PDE4B: variants seen among roughly 807,000 people sequenced by gnomAD.
PDE4B encodes 3',5'-cyclic-AMP phosphodiesterase 4B.
A neutral mutation model predicts 82.2 loss-of-function variants in PDE4B; 20 were observed. That is an observed-to-expected ratio of 0.24 (90% CI 0.17 to 0.35). The LOEUF (loss-of-function observed/expected upper bound fraction) is 0.35. PDE4B is among the 10% of genes least tolerant of loss of function. PDE4B has a pLI of 1.00. For synonymous variants in PDE4B, 320 were observed against 318.9 expected (o/e 1.00, Z -0.04); for missense variants, 655 against 907.2 (o/e 0.72, Z 3.57).
chr1:65,902,951 T>C (rs1020150315), intron 1 of PDE4B, among the ~76,000 whole-genome samples: 3 of 152,218 alleles, frequency 2.0e-5, no homozygotes, highest in Admixed American at 1.3e-4. Context: ...AGCCAAGTTA[T>C]GCAACCAACT....
At chr1:66,334,497 C>T (rs998241628) in intron 8 of PDE4B, among the ~76,000 whole-genome samples, 44 of 152,268 alleles carry the variant, frequency 2.9e-4, no homozygotes, top group Non-Finnish European at 2.9e-4. Flanking sequence ...CTCAGGCTTC[C>T]GCTCCTCCTT....
At chr1:66,298,966 A>G (rs989562393) in intron 7 of PDE4B, among the ~76,000 whole-genome samples, 1 of 152,126 alleles carries the variant, frequency 6.6e-6, no homozygotes, top group Non-Finnish European at 1.5e-5. Context: ...ATAGTTGTAT[A>G]TATTTGTGGG....
intron 1 of PDE4B, among the ~76,000 whole-genome samples, chr1:65,845,834 C>T (rs925644029): frequency 6.6e-6 from 1 of 152,104 alleles, no homozygotes; most frequent in East Asian, 1.9e-4. Flanking sequence ...CTCCTTTCTC[C>T]GGATGGGTGT....
At chr1:66,120,056 AT>A (rs1241965099) in intron 3 of PDE4B, among the ~76,000 whole-genome samples, 1 of 152,148 alleles carries the variant, frequency 6.6e-6, no homozygotes, top group Non-Finnish European at 1.5e-5. Flanking sequence ...GAGACAATAT[AT>A]TTATGTTGTT....
Position 65,918,665 on chromosome 1 carries a change from C to A in PDE4B, c.111C>A (p.Ile37=). 1 of 1,613,742 alleles carries A rather than the reference C, an allele frequency of 6.2e-7. No individual in the cohort carries two copies. The highest frequency in any genetic ancestry group is 8.5e-7 in the Non-Finnish European group (1 of 1,179,676). The change falls in exon 3 of 17, where the codon ATC becomes ATA. Residue 37 remains isoleucine (I), a synonymous_variant. Coordinates refer to ENST00000341517, the MANE Select transcript of PDE4B (RefSeq NM_002600.4). ...GTTCTTCCAGTAACACACTTGGGAT[C>A]GACCTCTGGAGAGGGAGAAGGTGTT... ...SYSSSSNTLG[I]DLWRGRRCCS...
intron 3 of PDE4B, among the ~76,000 whole-genome samples, chr1:65,970,029 T>C (rs1441648952): frequency 6.6e-6 from 1 of 152,098 alleles, no homozygotes; most frequent in Non-Finnish European, 1.5e-5. Flanking sequence ...TAATAAACAA[T>C]GTATAAGTGC....
intron 3 of PDE4B, among the ~76,000 whole-genome samples, chr1:66,135,808 T>A (rs553489655): frequency 6.6e-6 from 1 of 152,334 alleles, no homozygotes; most frequent in African/African-American, 2.4e-5. Flanking sequence ...ACTCTCATTT[T>A]GATAATTAAA....
intron 3 of PDE4B, among the ~76,000 whole-genome samples, chr1:66,178,912 C>T (rs960547154): frequency 5.9e-5 from 9 of 152,100 alleles, no homozygotes; most frequent in Admixed American, 2.0e-4. Flanking sequence ...AGTGCAATGG[C>T]GCGATCTCGG....
chr1:65,899,061 A>G (rs1367142345), intron 1 of PDE4B, among the ~76,000 whole-genome samples: 5 of 152,132 alleles, frequency 3.3e-5, no homozygotes, highest in Admixed American at 6.6e-5. Flanking sequence ...CTCACAATCT[A>G]TACATCTGTC....
chr1:66,060,980 T>C (rs1052724405), intron 3 of PDE4B, among the ~76,000 whole-genome samples: 3 of 151,824 alleles, frequency 2.0e-5, no homozygotes, highest in African/African-American at 7.3e-5. Flanking sequence ...CTGAATGTCA[T>C]AAAAAGAAGT....
intron 3 of PDE4B, among the ~76,000 whole-genome samples, chr1:66,121,957 T>C (rs1645717835): frequency 1.3e-5 from 2 of 152,182 alleles, no homozygotes; most frequent in Admixed American, 1.3e-4. Flanking sequence ...TCTCTCATTG[T>C]CTCCTTCCGT....
chr1:66,368,683 A>G, intron 15 of PDE4B, 104 bp from the exon 16 acceptor site: 1 of 812,318 alleles, frequency 1.2e-6, no homozygotes, highest in Non-Finnish European at 1.8e-6. Flanking sequence ...TGCAACTAAA[A>G]TGTTCTCGGG....
chr1:66,189,478 CG>C (rs1647534074), intron 3 of PDE4B, among the ~76,000 whole-genome samples: 1 of 152,178 alleles, frequency 6.6e-6, no homozygotes, highest in African/African-American at 2.4e-5. Context: ...ACCAATCAGA[CG>C]TAGATTTGGC....
intron 1 of PDE4B, among the ~76,000 whole-genome samples, chr1:65,866,864 A>G (rs1268874636): frequency 2.6e-5 from 4 of 152,212 alleles, no homozygotes; most frequent in Admixed American, 2.0e-4. Context: ...TATGACTCAT[A>G]TTTGAATCTT....
chr1:65,817,668 T>C (rs1645902438), intron 1 of PDE4B, among the ~76,000 whole-genome samples: 2 of 152,204 alleles, frequency 1.3e-5, no homozygotes, highest in Non-Finnish European at 2.9e-5. Context: ...TGAAAAGAGC[T>C]AGAAGCATAC....
At chr1:66,032,003 G>A (rs143281918) in intron 3 of PDE4B, among the ~76,000 whole-genome samples, 4 of 152,172 alleles carry the variant, frequency 2.6e-5, no homozygotes, top group African/African-American at 9.7e-5. Context: ...TAGATGAAAA[G>A]CAGTTAGGAT....
At chr1:66,135,157 G>A (rs908707144) in intron 3 of PDE4B, among the ~76,000 whole-genome samples, 2 of 152,184 alleles carry the variant, frequency 1.3e-5, no homozygotes, top group African/African-American at 4.8e-5. Flanking sequence ...GCAGAGGGTG[G>A]ACAGACATAT....
At chr1:65,864,592 G>C (rs1646490003) in intron 1 of PDE4B, among the ~76,000 whole-genome samples, 1 of 152,110 alleles carries the variant, frequency 6.6e-6, no homozygotes, top group African/African-American at 2.4e-5. Context: ...CTTTCTGTTT[G>C]TTAGTTTTTC....
At chr1:66,162,040 G>A (rs1209354294) in intron 3 of PDE4B, among the ~76,000 whole-genome samples, 1 of 152,000 alleles carries the variant, frequency 6.6e-6, no homozygotes, top group African/African-American at 2.4e-5. Context: ...TGTAGAGTAG[G>A]TGCTCACTGA....
Sources: allele counts gnomAD v4.1 joint callset (sites outside exome capture counted in the v4.1 genomes callset), GRCh38; gene constraint gnomAD v4.1.1; transcripts MANE v1.5; gene names NCBI Gene and HGNC (gene_info 2026-07-23, HGNC 2026-07-21).